The following CTC1 variants were observed in gnomAD, a reference collection of about 807,000 sequenced individuals.
CTC1 encodes CST complex subunit CTC1.
A neutral mutation model predicts 136.3 loss-of-function variants in CTC1; 91 were observed. The ratio of observed to expected loss-of-function variants is 0.67; its 90% confidence interval spans 0.56 to 0.79. CTC1 has a LOEUF of 0.79. Among genes scored for constraint, CTC1 ranks in the 30% least tolerant of loss-of-function variants. CTC1 has a pLI of 0.00. For synonymous variants in CTC1, 606 were observed against 613.8 expected, an observed-to-expected ratio of 0.99 and a Z score of 0.19; for missense variants, 1,432 against 1,498.1, an observed-to-expected ratio of 0.96 and a Z score of 0.73.
intron 20 of CTC1, 66 bp from the exon 21 acceptor site, chr17:8,228,958 C>A (rs957904562): frequency 9.8e-6 from 15 of 1,538,450 alleles, no homozygotes; most frequent in Non-Finnish European, 8.8e-6. Context: ...CTGGACCCAA[C>A]ATGCCTCCCT....
intron 2 of CTC1, among the ~76,000 whole-genome samples, chr17:8,242,111 C>A (rs146761190): frequency 0.02 from 2,964 of 151,944 alleles, 104 homozygotes; most frequent in African/African-American, 0.068. Context: ...CTCACTGCAA[C>A]CTCCGCCTCC....
rs766985115 is a variant in CTC1 at position 8,232,992 on chromosome 17, C to A, written c.1859G>T (p.Cys620Phe). The A allele has an allele frequency of 3.7e-6, 6 of 1,614,070 alleles. No homozygotes were observed. The highest frequency in any genetic ancestry group is 5.1e-6 in the Non-Finnish European group (6 of 1,180,038). ...GVLVASSHKG[C>F]LQLRDQSGSL... is the part of the protein sequence containing the mutation. ...ACCACTTTGGTCCCGAAGTTGCAGA[C>A]AACCTTTATGAGATGAAGCCACCAG... is the stretch of plus-strand genomic sequence containing the variant. Residue 620 changes from cysteine (C) to phenylalanine (F), a missense_variant, in exon 11 of 23, where the codon TGT (cysteine) becomes TTT (phenylalanine). By Grantham distance (205) the Cys-to-Phe change is radical. Transcript: ENST00000651323.
chr17:8,242,918 C>A, intron 2 of CTC1, 67 bp downstream of exon 2: 1 of 1,447,204 alleles, frequency 6.9e-7, no homozygotes, highest in Admixed American at 2.2e-5. Flanking sequence ...ATTATAGAAC[C>A]TTACTTTTCA....
intron 2 of CTC1, among the ~76,000 whole-genome samples, chr17:8,239,040 T>A (rs1987994487): frequency 7.3e-6 from 1 of 137,080 alleles, no homozygotes; most frequent in African/African-American, 2.8e-5. Flanking sequence ...TGCAGTGAGC[T>A]GAGATCACGC....
intron 2 of CTC1, among the ~76,000 whole-genome samples, 178 bp from the exon 3 acceptor site, chr17:8,238,807 T>C (rs1424663290): frequency 1.3e-5 from 2 of 152,030 alleles, no homozygotes; most frequent in African/African-American, 2.4e-5. Context: ...AAAATAAGGA[T>C]GGGGCCGGGC....
chr17:8,230,772 G>A, intron 15 of CTC1, 121 bp from the exon 16 acceptor site: 1 of 784,660 alleles, frequency 1.3e-6, no homozygotes, highest in Non-Finnish European at 2.1e-6. Context: ...ATAAAGTCCT[G>A]AAAAAACCTG....
At position 8,243,142 on chromosome 17, in the gene CTC1, C is replaced by T. The variant is rs1679488146; in HGVS notation, c.40G>A (p.Ala14Thr). 6.2e-7 allele frequency: 1 copy of T among 1,612,354 alleles called. No homozygotes were observed. Among genetic ancestry groups the T allele is most frequent in the Non-Finnish European group, 8.5e-7 (1 of 1,179,340 alleles). The change falls in exon 2 of 23, where the codon GCC (alanine) becomes ACC (threonine). Residue 14 changes from alanine (A) to threonine (T), a missense_variant. Physicochemically the swap from Ala to Thr is moderately conservative, Grantham distance 58. Transcript: ENST00000651323. The part of the protein sequence containing the change: ...GRAQVPSSEQ[A>T]WLEDAQVFIQ... ...AAGACCTGAGCATCCTCAAGCCAGGCTTGTTCCTGAGGAAAGTGAATTTAG... is the reference window on the plus strand; with the variant it reads ...AAGACCTGAGCATCCTCAAGCCAGGTTTGTTCCTGAGGAAAGTGAATTTAG...
Position 8,228,184 on chromosome 17 carries a change from C to T in CTC1, c.3650G>A (p.Cys1217Tyr), listed in dbSNP as rs1308257966. The T allele has an allele frequency of 6.2e-7, 1 of 1,613,820 alleles. No homozygotes were observed. The highest frequency in any genetic ancestry group is 8.5e-7 in the Non-Finnish European group (1 of 1,179,830). The change falls in exon 23 of 23, where the codon TGT becomes TAT. Residue 1217 changes from cysteine (C) to tyrosine (Y), a missense_variant. Coordinates refer to ENST00000651323, the MANE Select transcript of CTC1 (RefSeq NM_025099.6). ...SSSLGILASSC is the reference protein window; with the variant it reads ...SSSLGILASSY ...CAGGCCATCCTTGCAGTTCAGTTAA[C>T]AGGAGGAAGCAAGGATCCCCAGAGA... is the stretch of plus-strand genomic sequence containing the variant.
At chr17:8,231,600 C>T in intron 14 of CTC1, 126 bp downstream of exon 14, 1 of 1,217,110 alleles carries the variant, frequency 8.2e-7, no homozygotes, top group South Asian at 1.3e-5. Context: ...CACAGGCTTT[C>T]TGGTGTATCT....
In CTC1 at chr17:8,229,637, C is replaced by T. The variant is rs376673409; in HGVS notation, c.3012-191G>A. Among the ~76,000 whole-genome samples the T allele has an allele frequency of 6.6e-5, 10 of 152,282 alleles. No individual in the cohort carries two copies. In the East Asian group the frequency reaches 1.5e-3, roughly 24 times the overall value. ...TCATTGGTTATTTTTCAGGTTTGAA[C>T]ACCATGATGTTAGCCAAGAAATATT... On this transcript the variant is annotated intron_variant, in intron 18 of 22. Transcript: ENST00000651323.
chr17:8,233,319 C>G (rs1175887530), intron 10 of CTC1: 1 of 311,918 alleles, frequency 3.2e-6, no homozygotes, highest in Non-Finnish European at 6.1e-6. Flanking sequence ...TTTATATGCA[C>G]TGGGAGGCAC....
In CTC1 at chr17:8,227,057, A is replaced by C. The variant is rs894994082; in HGVS notation, c.*1123T>G. 6.6e-6 allele frequency: 1 copy of C among 151,008 alleles called. No individual in the cohort carries two copies. The highest frequency in any genetic ancestry group is 1.5e-5 in the Non-Finnish European group (1 of 68,036). 9.4% of individuals were successfully genotyped at this position (151,008 alleles called of 1,614,324 possible). ...GCACCACGCTCTAACCAACTGAGCT[A>C]ACCGGCCACTAACTTTCCGGGTCTA... On this transcript the variant is annotated 3_prime_UTR_variant, in exon 23 of 23. Transcript: ENST00000651323.
rs1237640155 is a variant in CTC1, at chr17:8,232,925, G to C, written c.1926C>G (p.Leu642=). The change falls in exon 11 of 23, where the codon CTC becomes CTG. Residue 642 remains leucine (L), a synonymous_variant. Transcript: ENST00000651323. Reference sequence around the variant, plus strand: ...CCAAACCTATCAGCCGTGGGTCACTGAGGGGTTGAGAGTGCTTGGCCAGGA... The same window carrying C: ...CCAAACCTATCAGCCGTGGGTCACTCAGGGGTTGAGAGTGCTTGGCCAGGA... The part of the protein sequence containing the change: ...CLLLAKHSQP[L]SDPRLIGCLV... 1.2e-6 allele frequency: 2 copies of C among 1,613,960 alleles called. No individual in the cohort carries two copies. The highest frequency in any genetic ancestry group is 2.2e-5 in the South Asian group (2 of 91,082).
In CTC1 at chr17:8,247,869, C is replaced by A. The variant is rs1597407084; in HGVS notation, c.33+135G>T. ...GAACCAGTAAGAGGTAGGAGCGGACCGACTCACAACCCCCTCACCCATGGG... is the reference window on the plus strand; with the variant it reads ...GAACCAGTAAGAGGTAGGAGCGGACAGACTCACAACCCCCTCACCCATGGG... On this transcript the variant is annotated intron_variant, in intron 1 of 22. Coordinates refer to ENST00000651323, the MANE Select transcript of CTC1 (RefSeq NM_025099.6). 11 of 816,754 alleles carry A rather than the reference C, an allele frequency of 1.3e-5. No individual in the cohort carries two copies. In the East Asian group the frequency reaches 3.0e-4, roughly 22 times the overall value. 50.6% of individuals were successfully genotyped at this position (816,754 alleles called of 1,614,324 possible). A position where few individuals can be genotyped will look rare whatever the true frequency, so the allele number is the denominator to read the frequency against.
intron 10 of CTC1, among the ~76,000 whole-genome samples, chr17:8,234,143 A>C (rs1987483388): frequency 6.6e-6 from 1 of 152,090 alleles, no homozygotes; most frequent in African/African-American, 2.4e-5. Flanking sequence ...CACCGCACCT[A>C]ATTAAGACAA....
At position 8,232,126 on chromosome 17, in the gene CTC1, C is replaced by G. The variant is rs62620189; in HGVS notation, c.2162G>C (p.Gly721Ala). The G allele has an allele frequency of 0.016, 24,205 of 1,529,924 alleles. 254 individuals carry two copies. The highest frequency in any genetic ancestry group is 0.059 in the Middle Eastern group (332 of 5,636). 94.8% of individuals were successfully genotyped at this position (1,529,924 alleles called of 1,614,324 possible). ...CTGTCCTAGGTGGGGTCCCTCTGGG[C>G]CGGTGGGATCTGTCTGAGGTGTTGA... ...TPSTPQTDPTGPEGPHLGQSR... is the reference protein window; with the variant it reads ...TPSTPQTDPTAPEGPHLGQSR... The change falls in exon 13 of 23, where the codon GGC becomes GCC. Residue 721 changes from glycine to alanine, a missense_variant. Coordinates refer to ENST00000651323, the MANE Select transcript of CTC1 (RefSeq NM_025099.6).
chr17:8,237,919 G>C (rs1042456803), intron 4 of CTC1, 112 bp downstream of exon 4: 199 of 832,110 alleles, frequency 2.4e-4, no homozygotes, highest in Middle Eastern at 3.7e-4. Context: ...CCCTTGATTT[G>C]GAACATTCAG....
Position 8,237,467 on chromosome 17 carries a change from T to G in CTC1, c.700A>C (p.Ser234Arg), listed in dbSNP as rs1987828307. ...TTCTGTTTACTTTTCACCAGAGCACTCAATCGAACTAGACTCCCAGCCAGG... is the reference window on the plus strand; with the variant it reads ...TTCTGTTTACTTTTCACCAGAGCACGCAATCGAACTAGACTCCCAGCCAGG... Reference protein sequence around the residue: ...RNLAGSLVRLSALVKSKQKAY... With the variant: ...RNLAGSLVRLRALVKSKQKAY... Residue 234 changes from serine (S) to arginine (R), a missense_variant, in exon 5 of 23, where the codon AGT becomes CGT. By Grantham distance (110) the Ser-to-Arg change is moderately radical. Transcript: ENST00000651323. 1 of 1,613,852 alleles carries G rather than the reference T, an allele frequency of 6.2e-7. No individual in the cohort carries two copies. Among genetic ancestry groups the G allele is most frequent in the African/African-American group, 1.3e-5 (1 of 74,836 alleles).
chr17:8,235,158 C>A lies in CTC1; in HGVS notation c.1334G>T (p.Arg445Leu), dbSNP rs768361173. ...SRQKPGAHSS[R>L]QAYGASLYEQ... ...GTACAGGGAGGCCCCGTAGGCTTGA[C>A]GGGATGAGTGAGCCCCAGGCTTCTG... Residue 445 changes from arginine (R) to leucine (L), a missense_variant, in exon 8 of 23, where the codon CGT becomes CTT. By Grantham distance (102) the Arg-to-Leu change is moderately radical (BLOSUM62 -2). Coordinates refer to ENST00000651323, the MANE Select transcript of CTC1 (RefSeq NM_025099.6). 6.2e-7 allele frequency: 1 copy of A among 1,614,130 alleles called. No homozygotes were observed. The highest frequency in any genetic ancestry group is 1.7e-5 in the Admixed American group (1 of 60,018).
Sources: gnomAD v4.1 joint callset for allele counts (sites outside exome capture counted in the v4.1 genomes callset) on GRCh38, gnomAD v4.1.1 for gene constraint, MANE v1.5 for transcripts, NCBI Gene and HGNC (gene_info 2026-07-23, HGNC 2026-07-21) for gene names.